The following PDE4D variants were observed in gnomAD, a reference collection of about 807,000 sequenced individuals.
PDE4D encodes the protein phosphodiesterase 4D.
Under a neutral mutation model 87.4 loss-of-function variants are expected in PDE4D, and 24 were observed. That is an observed-to-expected ratio of 0.27 (90% CI 0.20 to 0.39). The LOEUF is 0.39. Among genes scored for constraint, PDE4D ranks in the 10% least tolerant of loss-of-function variants. The pLI is 1.00. For missense variants in PDE4D, 714 were observed against 1,041.0 expected, an observed-to-expected ratio of 0.69 and a Z score of 4.32; for synonymous variants, 384 against 383.2, an observed-to-expected ratio of 1.00 and a Z score of -0.02.
intron 1 of PDE4D, among the ~76,000 whole-genome samples, chr5:59,815,869 T>C (rs1234472173): frequency 6.6e-6 from 1 of 152,252 alleles, no homozygotes; most frequent in East Asian, 1.9e-4. Context: ...CTCAGCCCTG[T>C]CCTGATCGAC....
chr5:60,204,564 G>A (rs16877754), intron 1 of PDE4D, among the ~76,000 whole-genome samples: 4 of 152,102 alleles, frequency 2.6e-5, no homozygotes, highest in African/African-American at 4.8e-5. Flanking sequence ...GGCATTTCCC[G>A]CATTCTACAT....
At chr5:59,262,175 C>T (rs963248400) in intron 1 of PDE4D, among the ~76,000 whole-genome samples, 1 of 151,786 alleles carries the variant, frequency 6.6e-6, no homozygotes, top group Non-Finnish European at 1.5e-5. Flanking sequence ...TTTATGAAGC[C>T]GAGTGCTGTA....
intron 1 of PDE4D, among the ~76,000 whole-genome samples, chr5:60,300,803 C>A (rs920614990): frequency 6.6e-6 from 1 of 151,552 alleles, no homozygotes; most frequent in African/African-American, 2.4e-5. Context: ...GATGGAGTCT[C>A]ACTCTGTTGC....
chr5:60,337,388 T>TATATATATATACACACAC (rs66871903), intron 1 of PDE4D, among the ~76,000 whole-genome samples: 4 of 89,462 alleles, frequency 4.5e-5, no homozygotes, highest in African/African-American at 4.3e-5. Flanking sequence ...TATATATATA[T>TATATATATATACACACAC]ACACACACAC....
At chr5:59,049,851 CT>C (rs1561388857) in intron 5 of PDE4D, among the ~76,000 whole-genome samples, 1 of 151,980 alleles carries the variant, frequency 6.6e-6, no homozygotes, top group Non-Finnish European at 1.5e-5. Context: ...TCTTCTTCTT[CT>C]TTTTTTTAAC....
intron 2 of PDE4D, among the ~76,000 whole-genome samples, chr5:59,196,216 C>T (rs529573635): frequency 1.3e-5 from 2 of 152,308 alleles, no homozygotes; most frequent in East Asian, 3.9e-4. Flanking sequence ...TGACATTACT[C>T]CCATTTTTCA....
intron 1 of PDE4D, among the ~76,000 whole-genome samples, chr5:60,302,457 G>A (rs1053998347): frequency 1.3e-5 from 2 of 152,278 alleles, no homozygotes; most frequent in South Asian, 4.1e-4. Flanking sequence ...TATATACATA[G>A]AGGTGTTTAA....
At chr5:59,140,635 AT>A (rs1356881580) in intron 5 of PDE4D, among the ~76,000 whole-genome samples, 1 of 152,254 alleles carries the variant, frequency 6.6e-6, no homozygotes, top group Non-Finnish European at 1.5e-5. Flanking sequence ...TTTTAAGAAA[AT>A]TTAATAACAA....
chr5:59,921,666 T>C (rs752048173), intron 3 of PDE4D, among the ~76,000 whole-genome samples: 3 of 152,196 alleles, frequency 2.0e-5, no homozygotes, highest in South Asian at 2.1e-4. Context: ...TCAAAGGACA[T>C]CCAGAATTCT....
intron 2 of PDE4D, among the ~76,000 whole-genome samples, chr5:60,178,752 G>A (rs1784140048): frequency 6.6e-6 from 1 of 152,050 alleles, no homozygotes; most frequent in Non-Finnish European, 1.5e-5. Context: ...GTGGTACTGT[G>A]GTGTTATCAT....
At chr5:59,315,617 G>A (rs946909473) in intron 1 of PDE4D, among the ~76,000 whole-genome samples, 1 of 152,080 alleles carries the variant, frequency 6.6e-6, no homozygotes, top group African/African-American at 2.4e-5. Context: ...CACCAGGGAG[G>A]GGGAAATTTC....
intron 1 of PDE4D, among the ~76,000 whole-genome samples, chr5:59,382,456 A>AT (rs902667517): frequency 6.6e-6 from 1 of 152,270 alleles, no homozygotes; most frequent in East Asian, 1.9e-4. Context: ...AGGATATTTT[A>AT]TTTTTTTCTA....
At chr5:60,406,926 A>C (rs183768977) in intron 1 of PDE4D, among the ~76,000 whole-genome samples, 401 of 152,274 alleles carry the variant, frequency 2.6e-3, no homozygotes, top group African/African-American at 9.1e-3. Context: ...TGGTTGAAAA[A>C]GTACTATAAA....
chr5:59,521,278 T>C (rs550792795), intron 1 of PDE4D, among the ~76,000 whole-genome samples: 2 of 152,060 alleles, frequency 1.3e-5, no homozygotes, highest in Admixed American at 1.3e-4. Flanking sequence ...TTTACATCAG[T>C]GCATTCCTGA....
chr5:59,312,885 A>C (rs922197898), intron 1 of PDE4D, among the ~76,000 whole-genome samples: 1 of 152,156 alleles, frequency 6.6e-6, no homozygotes, highest in South Asian at 2.1e-4. Flanking sequence ...CCTCCAGGTA[A>C]CTGCCACTGA....
At chr5:59,264,357 T>C (rs1426344999) in intron 1 of PDE4D, among the ~76,000 whole-genome samples, 1 of 152,080 alleles carries the variant, frequency 6.6e-6, no homozygotes, top group African/African-American at 2.4e-5. Context: ...GATATTTACA[T>C]GAAAAAGATC....
chr5:60,469,884 A>C lies in PDE4D; in HGVS notation c.-90+18058T>G, dbSNP rs1475869833. On this transcript the variant is annotated intron_variant, in intron 1 of 16. Coordinates refer to the PDE4D transcript ENST00000502484. ...CTGAGACACAACAATATTAAAAGTT[A>C]GGCCAATTAATAACCCTACAATTTC... is the stretch of plus-strand genomic sequence containing the variant. 2.6e-5 allele frequency among the ~76,000 whole-genome samples: 4 copies of C among 152,206 alleles called. No homozygotes were observed. The East Asian group carries it at 7.7e-4, about 29-fold the overall frequency.
At chr5:59,761,020 A>C (rs1172541547) in intron 1 of PDE4D, among the ~76,000 whole-genome samples, 1 of 152,206 alleles carries the variant, frequency 6.6e-6, no homozygotes, top group Non-Finnish European at 1.5e-5. Context: ...CATTGTGCAG[A>C]CATGTTAGAG....
At chr5:60,065,293 GTT>G (rs1040606255) in intron 2 of PDE4D, among the ~76,000 whole-genome samples, 9 of 150,828 alleles carry the variant, frequency 6.0e-5, no homozygotes, top group African/African-American at 2.0e-4. Context: ...GTGTGTGTGT[GTT>G]TGTGCACGCA....
Sources: gnomAD v4.1 joint callset for allele counts (sites outside exome capture counted in the v4.1 genomes callset) on GRCh38, gnomAD v4.1.1 for gene constraint, MANE v1.5 for transcripts, NCBI Gene and HGNC (gene_info 2026-07-23, HGNC 2026-07-21) for gene names.